The following NAALADL2 variants were observed in gnomAD, a reference collection of about 807,000 sequenced individuals.
NAALADL2 encodes the protein inactive N-acetylated-alpha-linked acidic dipeptidase-like protein 2.
NAALADL2 carries 76 observed loss-of-function variants against 87.2 expected under a neutral mutation model. That is an observed-to-expected ratio of 0.87 (90% CI 0.72 to 1.05). The LOEUF (loss-of-function observed/expected upper bound fraction) is 1.05. Ranked by LOEUF, NAALADL2 falls within the 50% of genes least tolerant of loss-of-function variation. The pLI is 0.00. For missense variants in NAALADL2, 1,089 were observed against 945.8 expected, an observed-to-expected ratio of 1.15 and a Z score of -1.99; for synonymous variants, 354 against 331.0, an observed-to-expected ratio of 1.07 and a Z score of -0.75.
At chr3:174,444,221 TG>T (rs1317438318) in intron 1 of NAALADL2, among the ~76,000 whole-genome samples, 1 of 152,138 alleles carries the variant, frequency 6.6e-6, no homozygotes, top group East Asian at 1.9e-4. Flanking sequence ...GACTATCTGT[TG>T]CTAGGGTTAT....
chr3:175,686,384 A>G (rs2149898960), intron 11 of NAALADL2, among the ~76,000 whole-genome samples: 1 of 152,282 alleles, frequency 6.6e-6, no homozygotes, highest in East Asian at 1.9e-4. Flanking sequence ...AGACTTCAGA[A>G]GTGTCTTTTT....
intron 2 of NAALADL2, among the ~76,000 whole-genome samples, chr3:174,712,950 C>A (rs1468677394): frequency 1.3e-5 from 2 of 152,000 alleles, no homozygotes; most frequent in African/African-American, 4.8e-5. Flanking sequence ...CTATGCCTCC[C>A]CCCTCCCCCA....
At chr3:175,593,993 T>G (rs935413145) in intron 10 of NAALADL2, among the ~76,000 whole-genome samples, 1 of 151,834 alleles carries the variant, frequency 6.6e-6, no homozygotes, top group Non-Finnish European at 1.5e-5. Flanking sequence ...TTTTTTTTTT[T>G]TAATTTCAAC....
At chr3:174,918,288 A>C (rs1016220423) in intron 1 of NAALADL2, among the ~76,000 whole-genome samples, 1 of 152,154 alleles carries the variant, frequency 6.6e-6, no homozygotes, top group African/African-American at 2.4e-5. Flanking sequence ...ATACTATAAA[A>C]AAATATATTT....
At chr3:175,298,397 G>C (rs979022918) in intron 4 of NAALADL2, among the ~76,000 whole-genome samples, 1 of 152,066 alleles carries the variant, frequency 6.6e-6, no homozygotes. Flanking sequence ...GGAGAATGAA[G>C]ATCACTTTTC....
chr3:174,441,426 T>C (rs1360922594), intron 1 of NAALADL2, among the ~76,000 whole-genome samples: 1 of 152,084 alleles, frequency 6.6e-6, no homozygotes, highest in Non-Finnish European at 1.5e-5. Context: ...ACGTATGCAG[T>C]GCACGCCGGC....
intron 1 of NAALADL2, among the ~76,000 whole-genome samples, chr3:174,948,780 A>C (rs1169511275): frequency 6.6e-6 from 1 of 152,114 alleles, no homozygotes; most frequent in Non-Finnish European, 1.5e-5. Context: ...TTGTCCATTG[A>C]TACTGGTTTT....
chr3:175,433,265 G>A (rs1718075268), intron 5 of NAALADL2, among the ~76,000 whole-genome samples: 1 of 151,992 alleles, frequency 6.6e-6, no homozygotes, highest in African/African-American at 2.4e-5. Flanking sequence ...CATTCACAGT[G>A]TTGACTAAGA....
intron 2 of NAALADL2, among the ~76,000 whole-genome samples, chr3:174,675,765 A>G (rs1293200320): frequency 6.6e-6 from 1 of 152,034 alleles, no homozygotes; most frequent in Non-Finnish European, 1.5e-5. Context: ...AAGGAAAAAA[A>G]TATTTTCAGT....
chr3:174,538,453 A>G (rs1721923065), intron 1 of NAALADL2, among the ~76,000 whole-genome samples: 1 of 152,156 alleles, frequency 6.6e-6, no homozygotes. Flanking sequence ...TACCAACATG[A>G]CAGCTGGTCC....
At chr3:175,367,101 A>G (rs1581600996) in intron 5 of NAALADL2, among the ~76,000 whole-genome samples, 1 of 151,130 alleles carries the variant, frequency 6.6e-6, no homozygotes, top group South Asian at 2.1e-4. Context: ...TCCCAGCACC[A>G]TTTATTAAAT....
chr3:175,398,730 A>G (rs1770162496), intron 5 of NAALADL2, among the ~76,000 whole-genome samples: 1 of 152,042 alleles, frequency 6.6e-6, no homozygotes, highest in Admixed American at 6.6e-5. Flanking sequence ...ACATTTCCAC[A>G]TGGGTTTCAT....
At chr3:175,047,301 T>A (rs1267625423) in intron 1 of NAALADL2, among the ~76,000 whole-genome samples, 1 of 152,198 alleles carries the variant, frequency 6.6e-6, no homozygotes, top group African/African-American at 2.4e-5. Context: ...TCTGGCTAAA[T>A]GAACTTTGCG....
chr3:175,738,247 T>A (rs1365048305), intron 12 of NAALADL2, among the ~76,000 whole-genome samples: 1 of 152,258 alleles, frequency 6.6e-6, no homozygotes, highest in South Asian at 2.1e-4. Context: ...AATTTAATTT[T>A]TTTTTTCTTT....
intron 3 of NAALADL2, among the ~76,000 whole-genome samples, chr3:174,853,830 T>C (rs946176162): frequency 3.9e-5 from 6 of 152,184 alleles, no homozygotes; most frequent in Admixed American, 6.5e-5. Context: ...TACAATGATA[T>C]ATCCTCTCAA....
intron 2 of NAALADL2, among the ~76,000 whole-genome samples, chr3:175,150,264 CCT>C: frequency 6.6e-6 from 1 of 152,202 alleles, no homozygotes; most frequent in South Asian, 2.1e-4. Context: ...TCATGGCTAG[CCT>C]ATTACAAATA....
chr3:175,751,869 G>T (rs1376354901), intron 12 of NAALADL2, among the ~76,000 whole-genome samples: 2 of 151,942 alleles, frequency 1.3e-5, no homozygotes, highest in African/African-American at 2.4e-5. Flanking sequence ...TGGGGTTTTT[G>T]TAGGGCATAT....
intron 9 of NAALADL2, among the ~76,000 whole-genome samples, chr3:175,492,828 C>G (rs1001315502): frequency 6.6e-6 from 1 of 152,060 alleles, no homozygotes; most frequent in African/African-American, 2.4e-5. Context: ...AGAAAACCAT[C>G]TAGTCCCCTT....
chr3:174,474,325 G>C (rs753450641), intron 1 of NAALADL2, among the ~76,000 whole-genome samples: 1 of 152,118 alleles, frequency 6.6e-6, no homozygotes, highest in Admixed American at 6.6e-5. Context: ...ACTGAATGTA[G>C]TCATAATGTT....
Sources: allele counts gnomAD v4.1 joint callset (sites outside exome capture counted in the v4.1 genomes callset), GRCh38; gene constraint gnomAD v4.1.1; transcripts MANE v1.5; gene names NCBI Gene and HGNC (gene_info 2026-07-23, HGNC 2026-07-21).